The following HAUS4 variants were observed in gnomAD, a reference collection of about 807,000 sequenced individuals.
The protein encoded by HAUS4 is HAUS augmin-like complex subunit 4.
In HAUS4, 34 loss-of-function variants were observed where a neutral mutation model predicts 50.6. That is an observed-to-expected ratio of 0.67 (90% CI 0.51 to 0.90). The LOEUF is 0.90. Among genes scored for constraint, HAUS4 ranks in the 40% least tolerant of loss-of-function variants. The probability of loss-of-function intolerance (pLI) is 0.00; values close to 1 mark genes in which losing one functional copy is unlikely to be tolerated. For synonymous variants in HAUS4, 149 were observed against 161.4 expected, an observed-to-expected ratio of 0.92 and a Z score of 0.58; for missense variants, 370 against 428.7, an observed-to-expected ratio of 0.86 and a Z score of 1.21.
rs943215148 is a variant in HAUS4 at position 22,955,096 on chromosome 14, T to C, written c.55+4A>G. On this transcript the variant is annotated splice_donor_region_variant and intron_variant, in intron 2 of 9. Coordinates refer to ENST00000541587, the MANE Select transcript of HAUS4 (RefSeq NM_001166269.2). ...TCAAACCTTTTGCAAGTGGCTACTCTTACCTTGTTGAAGTATTTCCATCCC... is the reference window on the plus strand; with the variant it reads ...TCAAACCTTTTGCAAGTGGCTACTCCTACCTTGTTGAAGTATTTCCATCCC... The C allele has an allele frequency of 4.4e-6, 7 of 1,603,572 alleles. No homozygotes were observed. In the Admixed American group the frequency reaches 6.7e-5, roughly 15 times the overall value.
At chr14:22,951,518 C>A (rs1157984570) in intron 5 of HAUS4, 37 bp downstream of exon 5, 1 of 1,605,726 alleles carries the variant, frequency 6.2e-7, no homozygotes, top group South Asian at 1.1e-5. Flanking sequence ...GAAATTAAAC[C>A]ATTTCATTTA....
At chr14:22,950,183 C>T in intron 6 of HAUS4, 131 bp downstream of exon 6, 1 of 416,926 alleles carries the variant, frequency 2.4e-6, no homozygotes, top group East Asian at 3.5e-5. Context: ...CTACCAGCAA[C>T]AAAACAAATA....
intron 6 of HAUS4, among the ~76,000 whole-genome samples, chr14:22,948,761 G>A (rs1171709586): frequency 6.6e-6 from 1 of 151,854 alleles, no homozygotes; most frequent in African/African-American, 2.4e-5. Flanking sequence ...GGTCTCGAAC[G>A]CCTGACCTCA....
At chr14:22,956,286 C>T (rs1414896853) in intron 1 of HAUS4, among the ~76,000 whole-genome samples, 1 of 152,192 alleles carries the variant, frequency 6.6e-6, no homozygotes, top group African/African-American at 2.4e-5. Context: ...ACCTGCAAAA[C>T]TGAGATAACG....
chr14:22,951,596 G>A lies in HAUS4; in HGVS notation c.424C>T (p.Leu142=). The change falls in exon 5 of 10, where the codon CTG becomes TTG. Residue 142 remains leucine, a synonymous_variant. Coordinates refer to ENST00000541587, the MANE Select transcript of HAUS4 (RefSeq NM_001166269.2). ...AGTTCCAGAAGGTCCGCTTTCTCCA[G>A]CCCCAGCAGTGGAGGTATCTCCCTC... ...QEREIPPLLG[L]EKADLLELMP... 1 of 1,614,006 alleles carries A rather than the reference G, an allele frequency of 6.2e-7. No individual in the cohort carries two copies. Among genetic ancestry groups the A allele is most frequent in the Non-Finnish European group, 8.5e-7 (1 of 1,179,936 alleles).
At chr14:22,947,334 G>C in intron 8 of HAUS4, 95 bp from the exon 9 acceptor site, 2 of 870,734 alleles carry the variant, frequency 2.3e-6, no homozygotes, top group Non-Finnish European at 1.9e-6. Context: ...TCAAGGTGTG[G>C]GCTAAGCACT....
chr14:22,952,515 C>G (rs748319128), intron 3 of HAUS4, 26 bp downstream of exon 3: 2 of 1,613,026 alleles, frequency 1.2e-6, no homozygotes, highest in Non-Finnish European at 1.7e-6. Context: ...TTCCCTTCTT[C>G]TTATCTCTTC....
chr14:22,952,091 C>T (rs1170633080), intron 4 of HAUS4, among the ~76,000 whole-genome samples: 3 of 152,206 alleles, frequency 2.0e-5, no homozygotes, highest in African/African-American at 7.2e-5. Flanking sequence ...AATCTCGGCT[C>T]ACTGCAATCT....
chr14:22,947,813 A>G (rs1160072190), intron 7 of HAUS4, 55 bp downstream of exon 7: 21 of 1,610,226 alleles, frequency 1.3e-5, no homozygotes, highest in Non-Finnish European at 1.5e-5. Flanking sequence ...GTCTTCCCCA[A>G]AAGTGCTCCT....
At chr14:22,955,391 T>G (rs974577882) in intron 1 of HAUS4, 2 of 565,484 alleles carry the variant, frequency 3.5e-6, no homozygotes, top group African/African-American at 3.8e-5. Context: ...CATGTCACAT[T>G]CTAAGCACAC....
chr14:22,946,474 AT>A lies in HAUS4; in HGVS notation c.*50del. 6.8e-7 allele frequency: 1 copy of A among 1,475,832 alleles called. No individual in the cohort carries two copies. Among genetic ancestry groups the A allele is most frequent in the Non-Finnish European group, 9.3e-7 (1 of 1,077,228 alleles). The allele number at this position is 1,475,832 out of a possible 1,614,324, so 91.4% of individuals were successfully genotyped here. On this transcript the variant is annotated 3_prime_UTR_variant, in exon 10 of 10. Transcript: ENST00000541587. ...TGAAGGTGGTCCCACTAGCAGGAAG[AT>A]TAGGAGGCAGCAGCTATGCAGAAGC...
chr14:22,954,811 C>T lies in HAUS4; in HGVS notation c.55+289G>A, dbSNP rs1279251895. The T allele has an allele frequency of 3.5e-5, 10 of 287,416 alleles. No homozygotes were observed. In the East Asian group the frequency reaches 3.6e-4, roughly 10 times the overall value. The allele number at this position is 287,416 out of a possible 1,614,324, so 17.8% of individuals were successfully genotyped here. ...CACGATCTCAGCTCACTGCAAGCTC[C>T]GCCTCCCAGGTTCACACCATTCTCC... is the stretch of plus-strand genomic sequence containing the variant. On this transcript the variant is annotated intron_variant, in intron 2 of 9. Transcript: ENST00000541587.
In HAUS4 at chr14:22,946,662, T is replaced by C; in HGVS notation, c.955A>G (p.Asn319Asp). 1 of 1,613,500 alleles carries C rather than the reference T, an allele frequency of 6.2e-7. No individual in the cohort carries two copies. Among genetic ancestry groups the C allele is most frequent in the Non-Finnish European group, 8.5e-7 (1 of 1,179,690 alleles). ...AIHLQEQDME[N>D]SRQVLNSYEV... ...TAGGAGTTCAGGACCTGTCTTGAGT[T>C]CTCCATGTCCTGCTCCTGTAGGTGA... is the stretch of plus-strand genomic sequence containing the variant. Residue 319 changes from asparagine to aspartate, a missense_variant, in exon 10 of 10, where the codon AAC (asparagine) becomes GAC (aspartate). Transcript: ENST00000541587.
At chr14:22,955,592 C>T (rs1188845381) in intron 1 of HAUS4, 1 of 157,472 alleles carries the variant, frequency 6.4e-6, no homozygotes, top group Non-Finnish European at 1.4e-5. Flanking sequence ...CTTTTTCCCC[C>T]CAAATAACTC....
At chr14:22,951,814 A>T in intron 4 of HAUS4, 125 bp from the exon 5 acceptor site, 1 of 802,204 alleles carries the variant, frequency 1.2e-6, no homozygotes, top group Non-Finnish European at 1.9e-6. Context: ...ATCCCCCCTC[A>T]GATAACTCAG....
In HAUS4 at chr14:22,946,835, G is replaced by A. The variant is rs896144239; in HGVS notation, c.909-127C>T. ...GTCTCGCTCTGTCACCTAGGCTGGA[G>A]TGCAGTGGTATGATCTTGGCTCACT... On this transcript the variant is annotated intron_variant, in intron 9 of 9. Coordinates refer to ENST00000541587, the MANE Select transcript of HAUS4 (RefSeq NM_001166269.2). 168 of 651,340 alleles carry A rather than the reference G, an allele frequency of 2.6e-4. 1 individual carries two copies. The highest frequency in any genetic ancestry group is 2.4e-3 in the Middle Eastern group (6 of 2,472). The allele number at this position is 651,340 out of a possible 1,614,324, so 40.3% of individuals were successfully genotyped here.
intron 2 of HAUS4, among the ~76,000 whole-genome samples, chr14:22,954,859 G>A (rs1254159257): frequency 6.6e-6 from 1 of 151,482 alleles, no homozygotes; most frequent in African/African-American, 2.4e-5. Context: ...TGGAGTAGCT[G>A]GGACTACAGG....
At chr14:22,951,174 G>GTT (rs796113851) in intron 5 of HAUS4, among the ~76,000 whole-genome samples, 1 of 147,562 alleles carries the variant, frequency 6.8e-6, no homozygotes, top group Non-Finnish European at 1.5e-5. Flanking sequence ...CTTTTGTTTT[G>GTT]TTTTTTTTTT....
At chr14:22,948,548 T>C (rs542016334) in intron 6 of HAUS4, among the ~76,000 whole-genome samples, 1 of 152,088 alleles carries the variant, frequency 6.6e-6, no homozygotes, top group African/African-American at 2.4e-5. Context: ...TTCTTTTTAT[T>C]TTTTTGAGAC....
Sources: allele counts gnomAD v4.1 joint callset (sites outside exome capture counted in the v4.1 genomes callset), GRCh38; gene constraint gnomAD v4.1.1; transcripts MANE v1.5; gene names NCBI Gene and HGNC (gene_info 2026-07-23, HGNC 2026-07-21).